The following NEDD9 variants were observed in gnomAD, a reference collection of about 807,000 sequenced individuals.
The protein encoded by NEDD9 is neural precursor cell expressed, developmentally down-regulated 9.
In NEDD9, 26 loss-of-function variants were observed where a neutral mutation model predicts 76.6. The observed-to-expected ratio is 0.34, with a 90% CI of 0.25 to 0.47. The LOEUF (loss-of-function observed/expected upper bound fraction) is 0.47, where lower values mean the gene tolerates loss of function less well. Among genes scored for constraint, NEDD9 ranks in the 20% least tolerant of loss-of-function variants. The pLI is 1.00. For synonymous variants in NEDD9, 392 were observed against 414.2 expected, an observed-to-expected ratio of 0.95 and a Z score of 0.65; for missense variants, 937 against 1,058.5, an observed-to-expected ratio of 0.89 and a Z score of 1.59.
intron 1 of NEDD9, among the ~76,000 whole-genome samples, chr6:11,334,977 A>C (rs764425879): frequency 6.6e-6 from 1 of 152,208 alleles, no homozygotes; most frequent in Non-Finnish European, 1.5e-5. Flanking sequence ...TGACCAATTG[A>C]GAGCAATCAT....
intron 2 of NEDD9, among the ~76,000 whole-genome samples, chr6:11,195,370 G>A (rs1249765409): frequency 6.6e-6 from 1 of 152,120 alleles, no homozygotes; most frequent in Non-Finnish European, 1.5e-5. Flanking sequence ...AATGGCCACT[G>A]TATTGTGCAT....
Position 11,319,366 on chromosome 6 carries a change from C to CT in NEDD9, c.-152-13212dup, listed in dbSNP as rs537809229. On this transcript the variant is annotated intron_variant, in intron 2 of 3. Coordinates refer to the NEDD9 transcript ENST00000397378. ...ACTCACATGCACACTCACATGCACA[C>CT]TAACATACACACAAGTCTCACACTC... Among the ~76,000 whole-genome samples, 4 of 151,506 alleles carry CT rather than the reference C, an allele frequency of 2.6e-5. No individual in the cohort carries two copies. In the South Asian group the frequency reaches 8.3e-4, roughly 32 times the overall value.
intron 3 of NEDD9, among the ~76,000 whole-genome samples, chr6:11,302,982 T>C (rs1198630683): frequency 6.6e-6 from 1 of 152,118 alleles, no homozygotes; most frequent in African/African-American, 2.4e-5. Context: ...CTCTCACCAC[T>C]CCTATTCAAC....
At chr6:11,196,746 C>G (rs1359603090) in intron 2 of NEDD9, among the ~76,000 whole-genome samples, 1 of 151,712 alleles carries the variant, frequency 6.6e-6, no homozygotes, top group Non-Finnish European at 1.5e-5. Context: ...ATCTAATTCA[C>G]GTTGGTCCAC....
intron 2 of NEDD9, among the ~76,000 whole-genome samples, chr6:11,321,817 A>T (rs1228095378): frequency 1.3e-5 from 2 of 152,208 alleles, no homozygotes; most frequent in Non-Finnish European, 2.9e-5. Context: ...CTTCCAGGAA[A>T]GTCTCTAGCG....
intron 3 of NEDD9, among the ~76,000 whole-genome samples, chr6:11,264,577 C>G (rs1760172123): frequency 6.6e-6 from 1 of 152,040 alleles, no homozygotes; most frequent in Non-Finnish European, 1.5e-5. Flanking sequence ...AAAACCAATC[C>G]AGCCAAATAA....
At position 11,192,329 on chromosome 6, in the gene NEDD9, G is replaced by A. The variant is rs552210986; in HGVS notation, c.663+16C>T. ...CACACACACTCCTTTTTGCTGCTTT[G>A]TAGTCACTCACTCACCCCTTTTGTA... On this transcript the variant is annotated intron_variant, in intron 4 of 6. Transcript: ENST00000379446. The A allele has an allele frequency of 2.4e-5, 34 of 1,424,868 alleles. No homozygotes were observed. The South Asian group carries it at 3.6e-4, about 15-fold the overall frequency. 88.3% of individuals were successfully genotyped at this position (1,424,868 alleles called of 1,614,324 possible). A position where few individuals can be genotyped will look rare whatever the true frequency, so the allele number is the denominator to read the frequency against.
At chr6:11,346,592 T>A (rs1762370450) in intron 1 of NEDD9, among the ~76,000 whole-genome samples, 1 of 152,122 alleles carries the variant, frequency 6.6e-6, no homozygotes, top group Admixed American at 6.5e-5. Flanking sequence ...CTTTGATTCA[T>A]CTCCATAGTT....
intron 1 of NEDD9, among the ~76,000 whole-genome samples, chr6:11,375,925 T>C (rs1762962165): frequency 6.6e-6 from 1 of 152,092 alleles, no homozygotes; most frequent in African/African-American, 2.4e-5. Context: ...CCCGGGTTCA[T>C]GCCATTCTCC....
rs530755293 is a variant in NEDD9, at chr6:11,290,631, A to T, written c.12+15361T>A. Among the ~76,000 whole-genome samples the T allele has an allele frequency of 3.3e-5, 5 of 152,220 alleles. No homozygotes were observed. In the South Asian group the frequency reaches 1.0e-3, roughly 32 times the overall value. On this transcript the variant is annotated intron_variant, in intron 3 of 3. Transcript: ENST00000397378. ...GGAGTCCTGCGTAGAAGAGCAGGAA[A>T]CAAAGCTCCAGCTGTACCTCGAGAC...
At chr6:11,211,022 G>A (rs1042450195) in intron 2 of NEDD9, among the ~76,000 whole-genome samples, 2 of 152,176 alleles carry the variant, frequency 1.3e-5, no homozygotes, top group Non-Finnish European at 2.9e-5. Context: ...GATGCTTTAG[G>A]CACGGCCTAC....
Position 11,213,731 on chromosome 6 carries a change from G to A in NEDD9, c.13-4C>T. 6.2e-7 allele frequency: 1 copy of A among 1,612,856 alleles called. No individual in the cohort carries two copies. Among genetic ancestry groups the A allele is most frequent in the African/African-American group, 1.3e-5 (1 of 74,994 alleles). On this transcript the variant is annotated splice_polypyrimidine_tract_variant and splice_region_variant and intron_variant, in intron 1 of 6. Coordinates refer to ENST00000379446, the MANE Select transcript of NEDD9 (RefSeq NM_006403.4). This position sits in a 1 kb window ranked among gnomAD's most constrained non-coding sequence, Gnocchi z 5.4. ...ATAAGGCCCTTGCCATAAGATTCTA[G>A]GAGGGAAGGAAGAGAAGGAAACCGT...
At chr6:11,281,336 G>A (rs542345890) in intron 3 of NEDD9, among the ~76,000 whole-genome samples, 25 of 152,270 alleles carry the variant, frequency 1.6e-4, no homozygotes, top group South Asian at 4.1e-4. Flanking sequence ...CAGGATTGTC[G>A]TAGACATGGG....
chr6:11,315,033 T>G (rs907092657), intron 2 of NEDD9, among the ~76,000 whole-genome samples: 13 of 152,232 alleles, frequency 8.5e-5, no homozygotes, highest in Non-Finnish European at 1.6e-4. Context: ...GAGACTGATC[T>G]AGCTCTGTCT....
At chr6:11,274,411 G>A (rs1760375855) in intron 3 of NEDD9, among the ~76,000 whole-genome samples, 1 of 152,116 alleles carries the variant, frequency 6.6e-6, no homozygotes, top group African/African-American at 2.4e-5. Context: ...CCACACTCTG[G>A]GCCCCTTTCA....
At chr6:11,271,759 T>A (rs16871186) in intron 3 of NEDD9, 1 of 152,202 alleles carries the variant, frequency 6.6e-6, no homozygotes, top group Non-Finnish European at 1.5e-5. Flanking sequence ...GGAAGTGGTA[T>A]GTCATCCATT....
chr6:11,333,146 TA>T (rs1762083474), intron 2 of NEDD9, among the ~76,000 whole-genome samples: 1 of 152,128 alleles, frequency 6.6e-6, no homozygotes, highest in African/African-American at 2.4e-5. Context: ...ATTATTTAAA[TA>T]GCATTTTTTT....
chr6:11,373,106 C>CA lies in NEDD9; in HGVS notation c.-214+9032dup, dbSNP rs560393656. On this transcript the variant is annotated intron_variant, in intron 1 of 3. Coordinates refer to the NEDD9 transcript ENST00000397378. ...CTTCCCAAATCAATTCTTTTGAAAT[C>CA]AAACACCTTCGTTAAGTGGTTCCTT... 2.6e-3 allele frequency among the ~76,000 whole-genome samples: 401 copies of CA among 151,806 alleles called. 1 individual carries two copies. Among genetic ancestry groups the CA allele is most frequent in the African/African-American group, 9.2e-3 (383 of 41,416 alleles).
intron 2 of NEDD9, among the ~76,000 whole-genome samples, chr6:11,313,968 C>A (rs1450680026): frequency 1.3e-5 from 2 of 152,178 alleles, no homozygotes; most frequent in East Asian, 3.8e-4. Flanking sequence ...ATTTGGAGAA[C>A]ACACAGCACA....
Sources: gnomAD v4.1 joint callset for allele counts (sites outside exome capture counted in the v4.1 genomes callset) on GRCh38, gnomAD v4.1.1 for gene constraint, Gnocchi (gnomAD v3.1) non-coding constraint, MANE v1.5 for transcripts, NCBI Gene and HGNC (gene_info 2026-07-23, HGNC 2026-07-21) for gene names.